ERC2: variants seen among roughly 807,000 people sequenced by gnomAD.
The protein encoded by ERC2 is ERC protein 2.
ERC2 carries 42 observed loss-of-function variants against 114.8 expected under a neutral mutation model. The observed-to-expected ratio is 0.37, with a 90% CI of 0.29 to 0.47. ERC2 has a LOEUF of 0.47. Ranked by LOEUF, ERC2 falls within the 20% of genes least tolerant of loss-of-function variation. The probability of loss-of-function intolerance (pLI) is 0.99; values close to 1 mark genes in which losing one functional copy is unlikely to be tolerated. For synonymous variants in ERC2, 454 were observed against 425.5 expected (o/e 1.07, Z -0.82); for missense variants, 939 against 1,150.7 (o/e 0.82, Z 2.66).
intron 3 of ERC2, among the ~76,000 whole-genome samples, chr3:56,254,041 G>C (rs897254844): frequency 2.6e-5 from 4 of 152,250 alleles, no homozygotes; most frequent in Non-Finnish European, 5.9e-5. Context: ...AAAATGCAAA[G>C]TGGAAACCAG....
chr3:55,606,429 A>G (rs2058644148), intron 17 of ERC2, among the ~76,000 whole-genome samples: 1 of 151,258 alleles, frequency 6.6e-6, no homozygotes, highest in Non-Finnish European at 1.5e-5. Flanking sequence ...TGAAAATCAT[A>G]GGCCTTGGAA....
chr3:56,278,150 T>C (rs2054125824), intron 3 of ERC2, among the ~76,000 whole-genome samples: 1 of 152,184 alleles, frequency 6.6e-6, no homozygotes, highest in African/African-American at 2.4e-5. Context: ...GTCATGATGA[T>C]GACAACAACA....
intron 17 of ERC2, among the ~76,000 whole-genome samples, chr3:55,591,241 G>A (rs2057864666): frequency 6.6e-6 from 1 of 151,568 alleles, no homozygotes; most frequent in Non-Finnish European, 1.5e-5. Flanking sequence ...GAGCAGCTGG[G>A]AAATCGTGAG....
intron 5 of ERC2, among the ~76,000 whole-genome samples, chr3:56,147,894 G>T (rs971356038): frequency 3.3e-5 from 5 of 152,038 alleles, no homozygotes; most frequent in Non-Finnish European, 5.9e-5. Flanking sequence ...AAATATTCAG[G>T]TGCTTGGTCC....
chr3:55,522,241 A>G (rs886900486), intron 17 of ERC2, among the ~76,000 whole-genome samples: 1 of 152,198 alleles, frequency 6.6e-6, no homozygotes, highest in Non-Finnish European at 1.5e-5. Context: ...AAAGGGAAAC[A>G]TAAACACAAA....
At chr3:55,914,100 G>A (rs1173964085) in intron 13 of ERC2, among the ~76,000 whole-genome samples, 1 of 151,844 alleles carries the variant, frequency 6.6e-6, no homozygotes, top group Non-Finnish European at 1.5e-5. Flanking sequence ...CTTGAGAAAA[G>A]TCTCCAAAAG....
chr3:55,758,034 A>G (rs115100150), intron 14 of ERC2, among the ~76,000 whole-genome samples: 25 of 152,152 alleles, frequency 1.6e-4, no homozygotes, highest in African/African-American at 4.8e-4. Flanking sequence ...TCTGATGACT[A>G]TCAGAGTGAC....
At position 56,181,202 on chromosome 3, in the gene ERC2, T is replaced by A. The variant is rs566357792; in HGVS notation, c.1075-7682A>T. On this transcript the variant is annotated intron_variant, in intron 3 of 17. Coordinates refer to ENST00000288221, the MANE Select transcript of ERC2 (RefSeq NM_015576.3). ...ACATGGAGGCGTGGAGAATCAAATG[T>A]GTTTTAGGTATCTTAAATGCGCAAT... Among the ~76,000 whole-genome samples the A allele has an allele frequency of 2.0e-5, 3 of 152,358 alleles. No individual in the cohort carries two copies. The East Asian group carries it at 5.8e-4, about 29-fold the overall frequency.
intron 3 of ERC2, among the ~76,000 whole-genome samples, chr3:56,230,907 C>T (rs902966587): frequency 6.6e-6 from 1 of 152,350 alleles, no homozygotes; most frequent in South Asian, 2.1e-4. Context: ...AGGCCTATTT[C>T]ACCCAAGTGA....
chr3:55,936,167 G>T (rs1012228404), intron 13 of ERC2, among the ~76,000 whole-genome samples: 9 of 152,282 alleles, frequency 5.9e-5, no homozygotes, highest in Admixed American at 5.2e-4. Context: ...GCTGATTGGC[G>T]TTGGCACTCT....
chr3:55,833,186 C>T (rs2060696008), intron 14 of ERC2, among the ~76,000 whole-genome samples: 1 of 150,254 alleles, frequency 6.7e-6, no homozygotes, highest in Non-Finnish European at 1.5e-5. Flanking sequence ...AAACACTCTG[C>T]AGGATATTAT....
At chr3:55,689,257 ATT>A (rs10598916) in intron 16 of ERC2, among the ~76,000 whole-genome samples, 133,305 of 151,426 alleles carry the variant, frequency 0.88, 59,479 homozygotes, top group East Asian at 1. Context: ...TGCTTCCTCA[ATT>A]TTTTTTTTTT....
intron 10 of ERC2, among the ~76,000 whole-genome samples, chr3:56,000,162 T>C (rs1212084850): frequency 6.6e-6 from 1 of 151,876 alleles, no homozygotes; most frequent in Non-Finnish European, 1.5e-5. Context: ...AGTTGATAAT[T>C]TAGAAAAATA....
chr3:56,249,281 C>A (rs915103537), intron 3 of ERC2, among the ~76,000 whole-genome samples: 2 of 152,068 alleles, frequency 1.3e-5, no homozygotes, highest in Non-Finnish European at 2.9e-5. Context: ...GCATGAGAGA[C>A]CTGTTTGCAG....
rs139930339 is a variant in ERC2 at position 55,592,253 on chromosome 3, G to A, written c.*40-80977C>T. Among the ~76,000 whole-genome samples, 388 of 152,338 alleles carry A rather than the reference G, an allele frequency of 2.5e-3. 3 individuals carry two copies. The highest frequency in any genetic ancestry group is 8.7e-3 in the African/African-American group (362 of 41,570). On this transcript the variant is annotated intron_variant, in intron 17 of 17. Coordinates refer to ENST00000288221, the MANE Select transcript of ERC2 (RefSeq NM_015576.3). ...GGCATATCCCCGTATCTGGGCACAA[G>A]CTTTGCTCATTCATTCCATTTTTCT...
At chr3:56,229,827 G>A (rs986943997) in intron 3 of ERC2, among the ~76,000 whole-genome samples, 11 of 148,888 alleles carry the variant, frequency 7.4e-5, no homozygotes, top group Non-Finnish European at 1.6e-4. Context: ...AAACTCTATA[G>A]GTTAGATCAT....
At chr3:55,616,567 AT>A (rs2059129110) in intron 17 of ERC2, among the ~76,000 whole-genome samples, 1 of 151,862 alleles carries the variant, frequency 6.6e-6, no homozygotes, top group Admixed American at 6.6e-5. Context: ...CATAATATAT[AT>A]TTTACATATA....
At chr3:56,235,151 AT>A (rs2050862698) in intron 3 of ERC2, among the ~76,000 whole-genome samples, 1 of 152,002 alleles carries the variant, frequency 6.6e-6, no homozygotes, top group African/African-American at 2.4e-5. Flanking sequence ...CCTACCCCCA[AT>A]CCCACTTTTA....
intron 14 of ERC2, among the ~76,000 whole-genome samples, chr3:55,872,095 G>A (rs2062612320): frequency 6.6e-6 from 1 of 152,130 alleles, no homozygotes; most frequent in Admixed American, 6.6e-5. Flanking sequence ...ATTGGATGGA[G>A]GTCATGTGGG....
Sources: gnomAD v4.1 joint callset for allele counts (sites outside exome capture counted in the v4.1 genomes callset) on GRCh38, gnomAD v4.1.1 for gene constraint, MANE v1.5 for transcripts, NCBI Gene and HGNC (gene_info 2026-07-23, HGNC 2026-07-21) for gene names.